Variants in PAX7 observed in about 807,000 individuals in gnomAD.
The protein encoded by PAX7 is paired box protein Pax-7.
Under a neutral mutation model 50.7 loss-of-function variants are expected in PAX7, and 18 were observed. The observed-to-expected ratio is 0.36, with a 90% CI of 0.25 to 0.53. The LOEUF (loss-of-function observed/expected upper bound fraction) is 0.53. Ranked by LOEUF, PAX7 falls within the 20% of genes least tolerant of loss-of-function variation. PAX7 has a pLI of 0.93. For synonymous variants in PAX7, 310 were observed against 290.4 expected (o/e 1.07, Z -0.69); for missense variants, 644 against 702.9 (o/e 0.92, Z 0.95).
At position 18,632,793 on chromosome 1, in the gene PAX7, TAGAC is replaced by T. The variant is rs984491010; in HGVS notation, c.85+1109_85+1112del. Among the ~76,000 whole-genome samples the T allele has an allele frequency of 1.9e-4, 29 of 152,056 alleles. No individual in the cohort carries two copies. The highest frequency in any genetic ancestry group is 6.8e-4 in the African/African-American group (28 of 41,480). ...GCGAGACGGCGCCGGGTCCCTGAAT[TAGAC>T]AGAGGCGAAGAGAGCGGCTCCGTGA... On this transcript the variant is annotated intron_variant, in intron 1 of 8. Transcript: ENST00000420770. This position sits in a 1 kb window ranked among gnomAD's most constrained non-coding sequence, Gnocchi z 6.3.
At chr1:18,641,053 A>C (rs887034223) in intron 4 of PAX7, among the ~76,000 whole-genome samples, 8 of 152,256 alleles carry the variant, frequency 5.3e-5, no homozygotes, top group Admixed American at 2.6e-4. Context: ...TGAGGAGATA[A>C]CTATTACAAA....
chr1:18,691,890 C>T lies in PAX7; in HGVS notation c.723C>T (p.Tyr241=), dbSNP rs368976455. 12 of 1,613,906 alleles carry T rather than the reference C, an allele frequency of 7.4e-6. No individual in the cohort carries two copies. Among genetic ancestry groups the T allele is most frequent in the Admixed American group, 1.7e-5 (1 of 59,992 alleles). The change falls in exon 5 of 9, where the codon TAC becomes TAT. Residue 241 remains tyrosine (Y), a synonymous_variant. Transcript: ENST00000420770. ...AGAAGGCCTTTGAGAGGACCCACTA[C>T]CCAGACATATACACCCGCGAGGAGC... ...ELEKAFERTH[Y]PDIYTREELA... is the part of the protein sequence containing the mutation.
At chr1:18,715,618 G>A (rs1453204009) in intron 7 of PAX7, among the ~76,000 whole-genome samples, 2 of 152,130 alleles carry the variant, frequency 1.3e-5, no homozygotes, top group African/African-American at 4.8e-5. Flanking sequence ...CCCAGTGCTT[G>A]GGCTCAATCC....
chr1:18,682,995 C>T (rs911434895), intron 4 of PAX7, among the ~76,000 whole-genome samples: 1 of 152,178 alleles, frequency 6.6e-6, no homozygotes, highest in Non-Finnish European at 1.5e-5. Flanking sequence ...CCCTGCTCAC[C>T]AGGACAGGGG....
intron 4 of PAX7, among the ~76,000 whole-genome samples, chr1:18,655,746 G>A (rs185592820): frequency 6.6e-6 from 1 of 151,624 alleles, no homozygotes; most frequent in East Asian, 1.9e-4. Context: ...CATTGAACTA[G>A]AGCCACTGGG....
rs184166952 is a variant in PAX7 at position 18,719,194 on chromosome 1, G to A, written c.1155+15898G>A. ...ATTGCAAGAGGTTGATTTGCAGCACGTGGGGTCATTCATGCTTCTGCTCCC... is the reference window on the plus strand; with the variant it reads ...ATTGCAAGAGGTTGATTTGCAGCACATGGGGTCATTCATGCTTCTGCTCCC... On this transcript the variant is annotated intron_variant, in intron 7 of 8. Transcript: ENST00000420770. Among the ~76,000 whole-genome samples, 154 of 152,360 alleles carry A rather than the reference G, an allele frequency of 1.0e-3. 1 individual carries two copies. The East Asian group carries it at 0.012, about 12-fold the overall frequency.
At chr1:18,649,435 G>C (rs1365920536) in intron 4 of PAX7, among the ~76,000 whole-genome samples, 1 of 152,100 alleles carries the variant, frequency 6.6e-6, no homozygotes, top group Non-Finnish European at 1.5e-5. Context: ...CTTCTAACAG[G>C]CTCTGCAGGA....
At chr1:18,663,342 T>C (rs1411309585) in intron 4 of PAX7, among the ~76,000 whole-genome samples, 1 of 152,234 alleles carries the variant, frequency 6.6e-6, no homozygotes, top group African/African-American at 2.4e-5. Context: ...GGTCTCCTGC[T>C]AGAAAGCAGA....
chr1:18,631,760 C>T (rs911899383), intron 1 of PAX7, 72 bp downstream of exon 1: 2 of 1,268,650 alleles, frequency 1.6e-6, no homozygotes, highest in African/African-American at 2.9e-5. Flanking sequence ...AGGCTGCGGT[C>T]TCCAGGGGAC....
chr1:18,650,675 C>CT (rs1288449208), intron 4 of PAX7, among the ~76,000 whole-genome samples: 1 of 152,190 alleles, frequency 6.6e-6, no homozygotes, highest in Non-Finnish European at 1.5e-5. Context: ...CATGCAACAC[C>CT]TTTTTTTATA....
intron 7 of PAX7, among the ~76,000 whole-genome samples, chr1:18,720,893 C>T (rs1276605603): frequency 6.6e-6 from 1 of 151,830 alleles, no homozygotes; most frequent in Non-Finnish European, 1.5e-5. Flanking sequence ...GGAGGGGGGA[C>T]CCAGAGCTGG....
chr1:18,672,371 A>G (rs2088761662), intron 4 of PAX7, among the ~76,000 whole-genome samples: 1 of 152,086 alleles, frequency 6.6e-6, no homozygotes, highest in Non-Finnish European at 1.5e-5. Flanking sequence ...ATAATAAAAT[A>G]TCAACTTTTT....
At chr1:18,658,392 A>G (rs1254908010) in intron 4 of PAX7, among the ~76,000 whole-genome samples, 3 of 152,200 alleles carry the variant, frequency 2.0e-5, no homozygotes, top group Admixed American at 6.5e-5. Flanking sequence ...GTGCATGCTT[A>G]TAATAATCAC....
chr1:18,688,391 G>A (rs551428671), intron 4 of PAX7, among the ~76,000 whole-genome samples: 8 of 152,320 alleles, frequency 5.3e-5, no homozygotes, highest in African/African-American at 1.9e-4. Flanking sequence ...TGGCCTCAGT[G>A]GTGGCCACCA....
chr1:18,744,736 GGA>G, intron 8 of PAX7, 76 bp from the exon 9 acceptor site: 1 of 765,374 alleles, frequency 1.3e-6, no homozygotes. Flanking sequence ...ATGGATGGAT[GGA>G]TGGGTGTAGA....
chr1:18,691,528 T>G (rs1463130343), intron 4 of PAX7, among the ~76,000 whole-genome samples: 1 of 152,222 alleles, frequency 6.6e-6, no homozygotes, highest in Admixed American at 6.5e-5. Flanking sequence ...AAGAAAGTAT[T>G]TAAGCAATAC....
In PAX7 at chr1:18,657,701, C is replaced by T. The variant is rs372501225; in HGVS notation, c.586+21330C>T. ...TGTCTGGGCTGCCTTTTAGGATCTG[C>T]GACTGCAGTGGTGGTGTGTTCTTTT... On this transcript the variant is annotated intron_variant, in intron 4 of 8. Transcript: ENST00000420770. 5.9e-5 allele frequency among the ~76,000 whole-genome samples: 9 copies of T among 152,244 alleles called. No homozygotes were observed. The East Asian group carries it at 9.7e-4, about 16-fold the overall frequency.
At position 18,660,828 on chromosome 1, in the gene PAX7, G is replaced by A. The variant is rs150249881; in HGVS notation, c.586+24457G>A. Among the ~76,000 whole-genome samples, 277 of 152,290 alleles carry A rather than the reference G, an allele frequency of 1.8e-3. 7 individuals are homozygous for A. The East Asian group carries it at 0.019, about 10-fold the overall frequency. On this transcript the variant is annotated intron_variant, in intron 4 of 8. Coordinates refer to ENST00000420770, the MANE Select transcript of PAX7 (RefSeq NM_001135254.2). ...TAAAGGGAGGGGAGAGAGGACTCAC[G>A]GGGGTGGGGGACCTGGAGGATGAGT...
At chr1:18,705,401 G>A (rs974153637) in intron 7 of PAX7, among the ~76,000 whole-genome samples, 2 of 152,308 alleles carry the variant, frequency 1.3e-5, no homozygotes, top group South Asian at 4.2e-4. Context: ...AAATTTGGGG[G>A]AGTGTCCTTA....
Sources: allele counts gnomAD v4.1 joint callset (sites outside exome capture counted in the v4.1 genomes callset), GRCh38; gene constraint gnomAD v4.1.1; non-coding constraint Gnocchi (gnomAD v3.1); transcripts MANE v1.5; gene names NCBI Gene and HGNC (gene_info 2026-07-23, HGNC 2026-07-21).